Variants in DLG2 observed in about 807,000 individuals in gnomAD.
DLG2 encodes the protein disks large homolog 2.
DLG2 carries 45 observed loss-of-function variants against 132.5 expected under a neutral mutation model. The ratio of observed to expected loss-of-function variants is 0.34; its 90% CI spans 0.27 to 0.44. The LOEUF (loss-of-function observed/expected upper bound fraction) is 0.44, where lower values mean the gene tolerates loss of function less well. Among genes scored for constraint, DLG2 ranks in the 20% least tolerant of loss-of-function variants. The pLI is 1.00. For missense variants in DLG2, 1,045 were observed against 1,196.9 expected, an observed-to-expected ratio of 0.87 and a Z score of 1.87; for synonymous variants, 424 against 419.6, an observed-to-expected ratio of 1.01 and a Z score of -0.13.
intron 7 of DLG2, among the ~76,000 whole-genome samples, chr11:84,305,686 T>C (rs1484095391): frequency 1.3e-5 from 2 of 152,144 alleles, no homozygotes; most frequent in Admixed American, 1.3e-4. Context: ...ATTTGATTTC[T>C]AGCACTCTAA....
chr11:85,161,690 A>C (rs999035931), intron 4 of DLG2, among the ~76,000 whole-genome samples: 4 of 152,132 alleles, frequency 2.6e-5, no homozygotes, highest in Non-Finnish European at 4.4e-5. Context: ...TTGTGGGCTC[A>C]TGCTCATGCT....
intron 3 of DLG2, among the ~76,000 whole-genome samples, chr11:85,575,408 C>T (rs540591744): frequency 1.8e-4 from 28 of 151,638 alleles, no homozygotes; most frequent in African/African-American, 6.5e-4. Context: ...TGGTGGTGTG[C>T]GCCTGTGGTC....
intron 18 of DLG2, among the ~76,000 whole-genome samples, chr11:83,724,299 T>C (rs1288713149): frequency 1.3e-5 from 2 of 152,132 alleles, no homozygotes; most frequent in Admixed American, 6.5e-5. Context: ...GCTCCCTGGA[T>C]TAGAACTAGG....
intron 7 of DLG2, among the ~76,000 whole-genome samples, chr11:84,261,885 G>A (rs549767774): frequency 6.6e-6 from 1 of 152,288 alleles, no homozygotes; most frequent in Admixed American, 6.5e-5. Context: ...AGGGGTAACT[G>A]CATGCTGCCC....
chr11:84,737,854 G>C (rs187196850), intron 6 of DLG2, among the ~76,000 whole-genome samples: 1 of 152,122 alleles, frequency 6.6e-6, no homozygotes, highest in African/African-American at 2.4e-5. Context: ...TGACTTCTAG[G>C]TTTCTGGTAT....
intron 7 of DLG2, among the ~76,000 whole-genome samples, chr11:84,498,065 C>T (rs1179116412): frequency 6.6e-6 from 1 of 152,166 alleles, no homozygotes; most frequent in African/African-American, 2.4e-5. Flanking sequence ...GGGAGACTTG[C>T]TCATTGGAGT....
intron 18 of DLG2, among the ~76,000 whole-genome samples, chr11:83,650,332 A>C (rs1289368428): frequency 4.6e-5 from 7 of 152,200 alleles, no homozygotes; most frequent in African/African-American, 1.7e-4. Context: ...AGGTCAAAGG[A>C]GGAAATAGAA....
chr11:84,815,612 G>A (rs1021440027), intron 6 of DLG2, among the ~76,000 whole-genome samples: 1 of 152,000 alleles, frequency 6.6e-6, no homozygotes, highest in African/African-American at 2.4e-5. Context: ...GGATCCTAGA[G>A]ACAGCTAGAG....
At chr11:84,590,588 G>A (rs949672128) in intron 6 of DLG2, among the ~76,000 whole-genome samples, 32 of 152,026 alleles carry the variant, frequency 2.1e-4, no homozygotes, top group African/African-American at 3.1e-4. Flanking sequence ...ATAATGGCTC[G>A]TAGGGGAAAA....
At chr11:83,784,840 C>G (rs2094977652) in intron 18 of DLG2, among the ~76,000 whole-genome samples, 1 of 152,014 alleles carries the variant, frequency 6.6e-6, no homozygotes, top group African/African-American at 2.4e-5. Context: ...TTATCGTCTG[C>G]AGAATTGTTT....
chr11:84,457,133 A>G (rs1287195901), intron 7 of DLG2, among the ~76,000 whole-genome samples: 5 of 151,212 alleles, frequency 3.3e-5, no homozygotes, highest in African/African-American at 9.7e-5. Context: ...GTGACCTCCT[A>G]AAGTTTCTAA....
rs141408651 is a variant in DLG2, at chr11:84,467,877, T to A, written c.519+66693A>T. 1.3e-4 allele frequency among the ~76,000 whole-genome samples: 19 copies of A among 151,632 alleles called. No individual in the cohort carries two copies. The East Asian group carries it at 3.7e-3, about 30-fold the overall frequency. On this transcript the variant is annotated intron_variant, in intron 7 of 27. Coordinates refer to ENST00000376104, the MANE Select transcript of DLG2 (RefSeq NM_001142699.3). ...ATCTGGCTATCTACTTAGGGAAAGATACATCAAAAGACTGATAATTCAATA... is the reference window on the plus strand; with the variant it reads ...ATCTGGCTATCTACTTAGGGAAAGAAACATCAAAAGACTGATAATTCAATA...
At chr11:84,406,316 T>G in intron 7 of DLG2, among the ~76,000 whole-genome samples, 1 of 152,154 alleles carries the variant, frequency 6.6e-6, no homozygotes, top group East Asian at 1.9e-4. Context: ...TTCTTGTTTT[T>G]GTTTGTTTGT....
chr11:84,137,531 C>G (rs1028796024), intron 9 of DLG2, among the ~76,000 whole-genome samples: 11 of 152,038 alleles, frequency 7.2e-5, no homozygotes, highest in Middle Eastern at 3.2e-3. Flanking sequence ...ATAGCTCAAA[C>G]AAATTTAGGA....
intron 21 of DLG2, among the ~76,000 whole-genome samples, chr11:83,507,758 T>TTATATATATATA (rs59086507): frequency 1.6e-3 from 162 of 99,842 alleles, no homozygotes; most frequent in East Asian, 4.2e-3. Context: ...TATATTTTTA[T>TTATATATATATA]TATATATATA....
chr11:85,508,487 C>T (rs2093985879), intron 3 of DLG2, among the ~76,000 whole-genome samples: 1 of 151,992 alleles, frequency 6.6e-6, no homozygotes, highest in Non-Finnish European at 1.5e-5. Context: ...CTTTATCCCC[C>T]TACTCTGTTT....
intron 9 of DLG2, among the ~76,000 whole-genome samples, chr11:84,119,961 G>A (rs2093826501): frequency 6.6e-6 from 1 of 152,134 alleles, no homozygotes; most frequent in African/African-American, 2.4e-5. Context: ...GGAAGATGTA[G>A]GCAGCATACT....
chr11:83,539,914 AC>A (rs1011444846), intron 20 of DLG2, among the ~76,000 whole-genome samples: 3 of 152,180 alleles, frequency 2.0e-5, no homozygotes, highest in Non-Finnish European at 4.4e-5. Context: ...CAAACAAATG[AC>A]TTGATAAGAT....
At chr11:84,867,181 G>A (rs571440678) in intron 6 of DLG2, among the ~76,000 whole-genome samples, 2 of 152,316 alleles carry the variant, frequency 1.3e-5, no homozygotes, top group African/African-American at 2.4e-5. Flanking sequence ...AGTAGAGTGA[G>A]AGACACATAC....
Sources: allele counts gnomAD v4.1 joint callset (sites outside exome capture counted in the v4.1 genomes callset), GRCh38; gene constraint gnomAD v4.1.1; transcripts MANE v1.5; gene names NCBI Gene and HGNC (gene_info 2026-07-23, HGNC 2026-07-21).